NEK7: variants seen among roughly 807,000 people sequenced by gnomAD.
NEK7 encodes serine/threonine-protein kinase Nek7.
Under a neutral mutation model 44.6 loss-of-function variants are expected in NEK7, and 18 were observed. The observed-to-expected ratio is 0.40, with a 90% CI of 0.28 to 0.60. The LOEUF (loss-of-function observed/expected upper bound fraction) is 0.60. NEK7 is among the 20% of genes least tolerant of loss of function. NEK7 has a pLI of 0.38. For synonymous variants in NEK7, 130 were observed against 121.1 expected, an observed-to-expected ratio of 1.07 and a Z score of -0.48; for missense variants, 256 against 366.5, an observed-to-expected ratio of 0.70 and a Z score of 2.46.
At chr1:198,193,545 A>G (rs1165595444) in intron 1 of NEK7, among the ~76,000 whole-genome samples, 3 of 152,378 alleles carry the variant, frequency 2.0e-5, no homozygotes, top group African/African-American at 4.8e-5. Context: ...ATGAACATCA[A>G]TGCAAAAATC....
intron 1 of NEK7, among the ~76,000 whole-genome samples, chr1:198,223,506 T>G (rs1264929690): frequency 2.6e-5 from 4 of 152,196 alleles, no homozygotes; most frequent in Non-Finnish European, 5.9e-5. Flanking sequence ...AAAGTTCTAC[T>G]GCAGCAAATC....
At chr1:198,184,453 A>G (rs964068666) in intron 1 of NEK7, among the ~76,000 whole-genome samples, 4 of 152,314 alleles carry the variant, frequency 2.6e-5, no homozygotes, top group African/African-American at 9.6e-5. Flanking sequence ...TTTAATTTTA[A>G]ATAGTCAAAC....
intron 9 of NEK7, among the ~76,000 whole-genome samples, chr1:198,312,582 A>C (rs369652801): frequency 6.6e-6 from 1 of 152,106 alleles, no homozygotes; most frequent in Admixed American, 6.5e-5. Flanking sequence ...ATTTAGTGCT[A>C]TAAATTGCCC....
chr1:198,181,228 A>G (rs1285063291), intron 1 of NEK7, among the ~76,000 whole-genome samples: 1 of 152,114 alleles, frequency 6.6e-6, no homozygotes, highest in Non-Finnish European at 1.5e-5. Flanking sequence ...CTAAGCAGAT[A>G]AAAACTTCTT....
intron 1 of NEK7, among the ~76,000 whole-genome samples, chr1:198,215,971 C>T (rs1201166190): frequency 6.6e-6 from 1 of 152,088 alleles, no homozygotes; most frequent in Admixed American, 6.5e-5. Context: ...GACTTTAACA[C>T]TCCACTGACA....
At chr1:198,226,079 C>A (rs1666214456) in intron 1 of NEK7, among the ~76,000 whole-genome samples, 1 of 152,068 alleles carries the variant, frequency 6.6e-6, no homozygotes, top group African/African-American at 2.4e-5. Flanking sequence ...ATGGAACTTA[C>A]AATCTGGAAC....
At chr1:198,215,680 G>A (rs1253721112) in intron 1 of NEK7, among the ~76,000 whole-genome samples, 1 of 151,978 alleles carries the variant, frequency 6.6e-6, no homozygotes, top group Non-Finnish European at 1.5e-5. Context: ...AACACGTGAG[G>A]ATTCTTATGG....
chr1:198,267,489 G>A (rs1653692821), intron 5 of NEK7, among the ~76,000 whole-genome samples: 1 of 151,964 alleles, frequency 6.6e-6, no homozygotes, highest in African/African-American at 2.4e-5. Context: ...TGTCGCCCAG[G>A]GTGGAATGTA....
intron 3 of NEK7, among the ~76,000 whole-genome samples, chr1:198,254,007 C>T (rs1423350825): frequency 6.6e-6 from 1 of 152,114 alleles, no homozygotes; most frequent in African/African-American, 2.4e-5. Flanking sequence ...ACCTGTGCTA[C>T]AGACTATTTT....
intron 1 of NEK7, among the ~76,000 whole-genome samples, chr1:198,197,452 A>G (rs1385332069): frequency 6.6e-6 from 1 of 152,250 alleles, no homozygotes; most frequent in African/African-American, 2.4e-5. Context: ...AGTGCAACAA[A>G]CAAATAGTAC....
intron 1 of NEK7, among the ~76,000 whole-genome samples, chr1:198,227,137 C>T (rs1238012350): frequency 7.9e-5 from 12 of 151,920 alleles, no homozygotes; most frequent in Middle Eastern, 3.2e-3. Flanking sequence ...TTTGTCCTTG[C>T]GATAGTTTGC....
At position 198,279,057 on chromosome 1, in the gene NEK7, TTTAGG is replaced by T; in HGVS notation, c.587_589+2del. ...GCTCAAAAACCACAGCTGCACATTC[TTTAGG>T]TAAGAGACACAATATAATTTCATTC... On this transcript the variant is annotated splice_donor_variant and coding_sequence_variant, in exon 7 of 10. Transcript: ENST00000367385. LOFTEE classifies it high-confidence loss of function. 5 of 1,589,836 alleles carry T rather than the reference TTTAGG, an allele frequency of 3.1e-6. No homozygotes were observed. The highest frequency in any genetic ancestry group is 4.3e-6 in the Non-Finnish European group (5 of 1,158,690).
rs1485353675 is a variant in NEK7, at chr1:198,287,298, G to A, written c.590-5647G>A. Among the ~76,000 whole-genome samples the A allele has an allele frequency of 2.6e-5, 4 of 151,892 alleles. 1 individual carries two copies. Among genetic ancestry groups the A allele is most frequent in the Admixed American group, 1.3e-4 (2 of 15,244 alleles). On this transcript the variant is annotated intron_variant, in intron 7 of 9. Coordinates refer to ENST00000367385, the MANE Select transcript of NEK7 (RefSeq NM_133494.3). ...AGATTGAGACCATCCTGGCTAACAC[G>A]GTGAAACCCCATCTCTACTAAAAAT...
chr1:198,314,717 A>G (rs147604771), intron 9 of NEK7, among the ~76,000 whole-genome samples: 1 of 152,136 alleles, frequency 6.6e-6, no homozygotes, highest in Admixed American at 6.5e-5. Flanking sequence ...ATGCCCCTGC[A>G]GGGGGGTGCC....
intron 2 of NEK7, among the ~76,000 whole-genome samples, chr1:198,242,075 C>G (rs1666699092): frequency 6.6e-6 from 1 of 152,018 alleles, no homozygotes; most frequent in Non-Finnish European, 1.5e-5. Flanking sequence ...TCCTTGATTT[C>G]TCTCTCTCCC....
intron 1 of NEK7, among the ~76,000 whole-genome samples, chr1:198,209,077 A>G (rs1558056950): frequency 6.8e-6 from 1 of 148,102 alleles, no homozygotes; most frequent in Non-Finnish European, 1.5e-5. Context: ...ACATACGCAC[A>G]TATGTATATA....
intron 7 of NEK7, among the ~76,000 whole-genome samples, chr1:198,285,564 T>C (rs1373024611): frequency 6.6e-6 from 1 of 152,020 alleles, no homozygotes; most frequent in African/African-American, 2.4e-5. Context: ...TGTGATCCCA[T>C]GAGGGGAAGA....
intron 1 of NEK7, among the ~76,000 whole-genome samples, chr1:198,169,601 T>G (rs904292229): frequency 6.6e-6 from 1 of 151,908 alleles, no homozygotes; most frequent in African/African-American, 2.4e-5. Context: ...TTTTTTTTTT[T>G]TTTTGGAAAA....
At chr1:198,236,003 C>T (rs902355939) in intron 2 of NEK7, among the ~76,000 whole-genome samples, 3 of 152,090 alleles carry the variant, frequency 2.0e-5, no homozygotes, top group African/African-American at 4.8e-5. Flanking sequence ...GCAGTTCAGA[C>T]TGTAATCCAT....
Sources: gnomAD v4.1 joint callset for allele counts (sites outside exome capture counted in the v4.1 genomes callset) on GRCh38, gnomAD v4.1.1 for gene constraint, MANE v1.5 for transcripts, NCBI Gene and HGNC (gene_info 2026-07-23, HGNC 2026-07-21) for gene names.